Variants in COX6B1 observed in about 807,000 individuals in gnomAD.
COX6B1 encodes COX VIb-1.
Under a neutral mutation model 14.0 loss-of-function variants are expected in COX6B1, and 2 were observed. The ratio of observed to expected loss-of-function variants is 0.14; its 90% CI spans 0.06 to 0.45. COX6B1 has a LOEUF of 0.45. Ranked by LOEUF, COX6B1 falls within the 20% of genes least tolerant of loss-of-function variation. COX6B1 has a pLI of 0.98. For synonymous variants in COX6B1, 30 were observed against 39.7 expected (o/e 0.76, Z 0.92); for missense variants, 81 against 114.2 (o/e 0.71, Z 1.33).
intron 3 of COX6B1, among the ~76,000 whole-genome samples, chr19:35,658,002 G>C (rs1967906342): frequency 6.6e-6 from 1 of 152,038 alleles, no homozygotes; most frequent in African/African-American, 2.4e-5. Flanking sequence ...GTGTTGTCCA[G>C]GTTGGTCTCA....
At chr19:35,658,202 A>AT (rs1967908461) in intron 3 of COX6B1, among the ~76,000 whole-genome samples, 1 of 152,066 alleles carries the variant, frequency 6.6e-6, no homozygotes, top group Admixed American at 6.6e-5. Context: ...CCATCCATTC[A>AT]TGCCAGAACA....
chr19:35,654,030 G>A (rs1289780888), intron 2 of COX6B1, among the ~76,000 whole-genome samples: 2 of 152,178 alleles, frequency 1.3e-5, no homozygotes, highest in South Asian at 4.1e-4. Flanking sequence ...TCACCTCTTT[G>A]TGAACTTTAT....
At chr19:35,652,841 C>T (rs1345027308) in intron 2 of COX6B1, among the ~76,000 whole-genome samples, 2 of 151,892 alleles carry the variant, frequency 1.3e-5, no homozygotes, top group Non-Finnish European at 2.9e-5. Context: ...TCTTGTTGCC[C>T]AAGTTGGAGT....
intron 2 of COX6B1, among the ~76,000 whole-genome samples, chr19:35,651,764 T>C (rs963959403): frequency 6.6e-6 from 1 of 151,910 alleles, no homozygotes; most frequent in African/African-American, 2.4e-5. Flanking sequence ...GAGGTCTCAG[T>C]TTGTTGCCCA....
At chr19:35,655,755 G>GTCTCTCTC (rs3038413) in intron 3 of COX6B1, among the ~76,000 whole-genome samples, 2,161 of 146,028 alleles carry the variant, frequency 0.015, 43 homozygotes, top group African/African-American at 0.04. Context: ...CACTGTGCCT[G>GTCTCTCTC]TCTCTCTCTC....
rs367779759 is a variant in COX6B1 at position 35,656,800 on chromosome 19, C to T, written c.208-1794C>T. On this transcript the variant is annotated intron_variant, in intron 3 of 3. Coordinates refer to ENST00000649813, the MANE Select transcript of COX6B1 (RefSeq NM_001863.5). ...CCAGCCATGTTAGCACTTTACATCA[C>T]ATAAGGTCAACATGCTAACACAACC... Among the ~76,000 whole-genome samples, 144 of 152,320 alleles carry T rather than the reference C, an allele frequency of 9.5e-4. 1 individual carries two copies. Among genetic ancestry groups the T allele is most frequent in the African/African-American group, 3.2e-3 (132 of 41,578 alleles).
chr19:35,653,388 T>C (rs1174190444), intron 2 of COX6B1, among the ~76,000 whole-genome samples: 1 of 151,436 alleles, frequency 6.6e-6, no homozygotes, highest in African/African-American at 2.4e-5. Flanking sequence ...TTCTCCTGCC[T>C]CAGCTTCCTG....
intron 3 of COX6B1, among the ~76,000 whole-genome samples, chr19:35,657,785 T>C (rs1967903825): frequency 6.6e-6 from 1 of 151,520 alleles, no homozygotes; most frequent in Admixed American, 6.6e-5. Flanking sequence ...GCCTCCCTAG[T>C]AGCTGTGACT....
intron 1 of COX6B1, 42 bp from the exon 2 acceptor site, chr19:35,651,191 G>T (rs1245723944): frequency 7.4e-7 from 1 of 1,346,686 alleles, no homozygotes; most frequent in Admixed American, 1.7e-5. Flanking sequence ...CTTGCTCAGG[G>T]CCCCTGGGGC....
At chr19:35,654,349 AC>A in intron 2 of COX6B1, among the ~76,000 whole-genome samples, 1 of 152,302 alleles carries the variant, frequency 6.6e-6, no homozygotes. Flanking sequence ...TACTAAAAAT[AC>A]AAAAATTAGC....
rs1967842783 is a variant in COX6B1 at position 35,652,883 on chromosome 19, C to T, written c.106+1534C>T. Reference sequence around the variant, plus strand: ...GCACGATCTCAGCTCATTGCAACCTCTGCCTCCCGGGTTCAAGTGATTCTC... The same window carrying T: ...GCACGATCTCAGCTCATTGCAACCTTTGCCTCCCGGGTTCAAGTGATTCTC... On this transcript the variant is annotated intron_variant, in intron 2 of 3. Transcript: ENST00000649813. Among the ~76,000 whole-genome samples the T allele has an allele frequency of 2.0e-5, 3 of 152,012 alleles. No homozygotes were observed. The South Asian group carries it at 6.2e-4, about 32-fold the overall frequency.
intron 1 of COX6B1, chr19:35,648,836 T>C: frequency 1.9e-6 from 1 of 533,270 alleles, no homozygotes; most frequent in South Asian, 1.4e-5. Context: ...ATCCTCCCTT[T>C]TGGACGTTGG....
rs1967823626 is a variant in COX6B1, at chr19:35,651,423, C to G, written c.106+74C>G. On this transcript the variant is annotated intron_variant, in intron 2 of 3. Coordinates refer to ENST00000649813, the MANE Select transcript of COX6B1 (RefSeq NM_001863.5). ...GCCTCTTCCTAGGGGACCCATCCAC[C>G]CCAGCCTCCTCCCTTTTATTCTGAA... 6.5e-6 allele frequency: 7 copies of G among 1,078,894 alleles called. No individual in the cohort carries two copies. The South Asian group carries it at 9.0e-5, about 14-fold the overall frequency. The allele number at this position is 1,078,894 out of a possible 1,614,324, so 66.8% of individuals were successfully genotyped here. A position where few individuals can be genotyped will look rare whatever the true frequency, so the allele number is the denominator to read the frequency against.
chr19:35,657,742 G>A (rs958721246), intron 3 of COX6B1, among the ~76,000 whole-genome samples: 23 of 146,064 alleles, frequency 1.6e-4, no homozygotes, highest in African/African-American at 5.9e-4. Flanking sequence ...CTGCAGCCTC[G>A]AACTCCTGGG....
intron 1 of COX6B1, among the ~76,000 whole-genome samples, chr19:35,650,935 T>C (rs1967817361): frequency 6.6e-6 from 1 of 152,138 alleles, no homozygotes; most frequent in Admixed American, 6.6e-5. Flanking sequence ...AGAGTGGCTA[T>C]AGGAGTAAAG....
chr19:35,648,938 C>T (rs756435474), intron 1 of COX6B1: 2 of 533,364 alleles, frequency 3.7e-6, no homozygotes, highest in South Asian at 2.8e-5. Flanking sequence ...CGTCTGTGCC[C>T]CAGCAGCTGG....
chr19:35,653,791 A>G (rs1053468036), intron 2 of COX6B1, among the ~76,000 whole-genome samples: 13 of 151,708 alleles, frequency 8.6e-5, no homozygotes, highest in Admixed American at 3.3e-4. Context: ...CGTGGTCTCT[A>G]TCTCCTGACC....
chr19:35,658,400 A>G (rs886832355), intron 3 of COX6B1, among the ~76,000 whole-genome samples, 194 bp from the exon 4 acceptor site: 1 of 152,034 alleles, frequency 6.6e-6, no homozygotes, highest in Admixed American at 6.6e-5. Context: ...TCCTCCCAGC[A>G]TGTCAGCTTG....
chr19:35,652,536 G>A (rs1967837861), intron 2 of COX6B1, among the ~76,000 whole-genome samples: 2 of 151,618 alleles, frequency 1.3e-5, no homozygotes, highest in African/African-American at 4.9e-5. Context: ...CTGGGTTCAA[G>A]CAATTCTCCT....
Sources: allele counts gnomAD v4.1 joint callset (sites outside exome capture counted in the v4.1 genomes callset), GRCh38; gene constraint gnomAD v4.1.1; transcripts MANE v1.5; gene names NCBI Gene and HGNC (gene_info 2026-07-23, HGNC 2026-07-21).